The following DNAJC13 variants were observed in gnomAD, a reference collection of about 807,000 sequenced individuals.
DNAJC13 encodes dnaJ homolog subfamily C member 13.
In DNAJC13, 75 loss-of-function variants were observed where a neutral mutation model predicts 290.5. That is an observed-to-expected ratio of 0.26 (90% confidence interval 0.21 to 0.31). The LOEUF is 0.31. Among genes scored for constraint, DNAJC13 ranks in the 10% least tolerant of loss-of-function variants. The pLI, the probability that DNAJC13 is intolerant of heterozygous loss-of-function variation, is 1.00. For missense variants in DNAJC13, 2,260 were observed against 2,674.5 expected (o/e 0.85, Z 3.42); for synonymous variants, 862 against 892.0 (o/e 0.97, Z 0.60).
chr3:132,521,849 T>C (rs547778762), intron 48 of DNAJC13, among the ~76,000 whole-genome samples: 19 of 152,356 alleles, frequency 1.2e-4, no homozygotes, highest in Admixed American at 1.1e-3. Flanking sequence ...ATATAACAAA[T>C]GCCCTTCCAT....
chr3:132,457,447 A>G, intron 13 of DNAJC13, 79 bp downstream of exon 13: 1 of 1,101,792 alleles, frequency 9.1e-7, no homozygotes, highest in Non-Finnish European at 1.3e-6. Flanking sequence ...CCAGATTTTC[A>G]TTGTACCAAT....
chr3:132,513,113 G>A lies in DNAJC13; in HGVS notation c.5385+14G>A. On this transcript the variant is annotated intron_variant, in intron 45 of 55. Coordinates refer to ENST00000260818, the MANE Select transcript of DNAJC13 (RefSeq NM_015268.4). The stretch of plus-strand genomic sequence containing the variant: ...TTGGCTTTAGAGGTAAAAGCGTTTT[G>A]TACTAAAGCGTGTTGCCTTTCCTAC... 2 of 1,602,096 alleles carry A rather than the reference G, an allele frequency of 1.2e-6. No individual in the cohort carries two copies. The highest frequency in any genetic ancestry group is 1.1e-5 in the South Asian group (1 of 90,798).
intron 2 of DNAJC13, among the ~76,000 whole-genome samples, chr3:132,443,606 C>G (rs1229861822): frequency 1.3e-5 from 2 of 151,982 alleles, no homozygotes; most frequent in African/African-American, 4.8e-5. Context: ...TTTTGGTAAT[C>G]TTTGGAAGTT....
chr3:132,523,414 C>G (rs1382401199), intron 50 of DNAJC13, 126 bp from the exon 51 acceptor site: 1 of 1,277,300 alleles, frequency 7.8e-7, no homozygotes, highest in Admixed American at 2.3e-5. Context: ...AAATAAAACT[C>G]ATAATTTGAT....
Position 132,447,913 on chromosome 3 carries a change from T to A in DNAJC13, c.310T>A (p.Phe104Ile). Reference sequence around the variant, plus strand: ...TCTCTTTCAGAGATTTAGAACTGATTTTTCAGAGGGAAAAATCACAGGAAG... The same window carrying A: ...TCTCTTTCAGAGATTTAGAACTGATATTTCAGAGGGAAAAATCACAGGAAG... Reference protein sequence around the residue: ...LTEALRFRTDFSEGKITGRRY... With the variant: ...LTEALRFRTDISEGKITGRRY... Residue 104 changes from phenylalanine (F) to isoleucine (I), a missense_variant, in exon 5 of 56, where the codon TTT becomes ATT. Around this residue, in one of 3 missense-constraint regions of DNAJC13, gnomAD observed 762 missense variants for 964.1 expected, o/e 0.79. Transcript: ENST00000260818. 3.1e-6 allele frequency: 5 copies of A among 1,595,466 alleles called. No individual in the cohort carries two copies. Among genetic ancestry groups the A allele is most frequent in the Non-Finnish European group, 4.3e-6 (5 of 1,165,558 alleles).
intron 2 of DNAJC13, among the ~76,000 whole-genome samples, chr3:132,444,440 A>G (rs60334285): frequency 0.072 from 10,895 of 152,266 alleles, 801 homozygotes; most frequent in African/African-American, 0.19. Context: ...GAAGAGGCTT[A>G]GGTGTGGTGG....
At chr3:132,430,167 G>C (rs1316207995) in intron 1 of DNAJC13, among the ~76,000 whole-genome samples, 1 of 152,050 alleles carries the variant, frequency 6.6e-6, no homozygotes, top group Non-Finnish European at 1.5e-5. Flanking sequence ...TCTGGAGTCT[G>C]GTGCTTTCAT....
At chr3:132,527,409 T>C (rs550312736) in intron 53 of DNAJC13, among the ~76,000 whole-genome samples, 89 of 152,276 alleles carry the variant, frequency 5.8e-4, no homozygotes, top group Admixed American at 1.6e-3. Context: ...TGGACCCTCA[T>C]TGAGGCAAGT....
intron 13 of DNAJC13, among the ~76,000 whole-genome samples, chr3:132,459,045 T>C (rs1273144342): frequency 6.6e-6 from 1 of 152,220 alleles, no homozygotes; most frequent in Admixed American, 6.5e-5. Flanking sequence ...TCAGGTACTA[T>C]TCTATGAATT....
intron 2 of DNAJC13, among the ~76,000 whole-genome samples, chr3:132,439,102 C>T (rs959976363): frequency 6.6e-6 from 1 of 152,110 alleles, no homozygotes; most frequent in Non-Finnish European, 1.5e-5. Flanking sequence ...CTGTGGATCA[C>T]CTTAATATTG....
At chr3:132,519,329 T>G (rs1318308693) in intron 48 of DNAJC13, among the ~76,000 whole-genome samples, 1 of 152,226 alleles carries the variant, frequency 6.6e-6, no homozygotes, top group Non-Finnish European at 1.5e-5. Context: ...TATGATGTGT[T>G]ACATCATGGT....
At chr3:132,510,097 G>T (rs1180004070) in intron 43 of DNAJC13, among the ~76,000 whole-genome samples, 1 of 152,010 alleles carries the variant, frequency 6.6e-6, no homozygotes, top group Non-Finnish European at 1.5e-5. Flanking sequence ...TATATTTTGT[G>T]CCTACTGCTA....
chr3:132,506,823 T>G (rs1445564740), intron 42 of DNAJC13, among the ~76,000 whole-genome samples: 2 of 152,122 alleles, frequency 1.3e-5, no homozygotes. Context: ...GTGCTGGGAT[T>G]ACAGGCATGA....
intron 29 of DNAJC13, among the ~76,000 whole-genome samples, chr3:132,487,501 C>G (rs907570569): frequency 6.7e-6 from 1 of 149,728 alleles, no homozygotes; most frequent in Non-Finnish European, 1.5e-5. Context: ...TGTGATCCGC[C>G]CACCTCAGGC....
intron 19 of DNAJC13, among the ~76,000 whole-genome samples, chr3:132,466,924 C>T (rs1934014046): frequency 6.6e-6 from 1 of 152,170 alleles, no homozygotes; most frequent in Non-Finnish European, 1.5e-5. Flanking sequence ...ATCACTCCTT[C>T]TCTGTCTGCA....
At chr3:132,491,602 GA>G (rs1325702949) in intron 32 of DNAJC13, among the ~76,000 whole-genome samples, 1 of 152,142 alleles carries the variant, frequency 6.6e-6, no homozygotes, top group African/African-American at 2.4e-5. Flanking sequence ...TGGAAACACA[GA>G]AAAAGGAAAG....
chr3:132,501,567 C>T (rs1284137442), intron 39 of DNAJC13, among the ~76,000 whole-genome samples: 1 of 147,612 alleles, frequency 6.8e-6, no homozygotes, highest in African/African-American at 2.5e-5. Context: ...GAGACTCTGT[C>T]TCAAAAAAAA....
rs543842101 is a variant in DNAJC13 at position 132,509,247 on chromosome 3, T to G, written c.5116-1820T>G. 2.0e-5 allele frequency among the ~76,000 whole-genome samples: 3 copies of G among 152,332 alleles called. No individual in the cohort carries two copies. In the East Asian group the frequency reaches 5.8e-4, roughly 29 times the overall value. On this transcript the variant is annotated intron_variant, in intron 43 of 55. Coordinates refer to ENST00000260818, the MANE Select transcript of DNAJC13 (RefSeq NM_015268.4). ...TAACAGGAGCTTGGAAGAAATTGTTTCCAGCTCTCATGGATGACTTTGAGA... is the reference window on the plus strand; with the variant it reads ...TAACAGGAGCTTGGAAGAAATTGTTGCCAGCTCTCATGGATGACTTTGAGA...
At chr3:132,510,744 AACTT>A (rs1935750549) in intron 43 of DNAJC13, among the ~76,000 whole-genome samples, 1 of 148,056 alleles carries the variant, frequency 6.8e-6, no homozygotes, top group South Asian at 2.2e-4. Context: ...AATTTTATAT[AACTT>A]AATTATAAAA....
Sources: allele counts gnomAD v4.1 joint callset (sites outside exome capture counted in the v4.1 genomes callset), GRCh38; gene constraint gnomAD v4.1.1; regional missense constraint gnomAD v4.1.1; transcripts MANE v1.5; gene names NCBI Gene and HGNC (gene_info 2026-07-23, HGNC 2026-07-21).